TTBK1: variants seen among roughly 807,000 people sequenced by gnomAD.
TTBK1 encodes the protein tau-tubulin kinase 1.
A neutral mutation model predicts 108.5 loss-of-function variants in TTBK1; 34 were observed. The observed-to-expected ratio is 0.31, with a 90% CI of 0.24 to 0.42. The LOEUF (loss-of-function observed/expected upper bound fraction) is 0.42, where lower values mean the gene tolerates loss of function less well. TTBK1 is among the 10% of genes least tolerant of loss of function. The probability of loss-of-function intolerance (pLI) is 1.00; values close to 1 mark genes in which losing one functional copy is unlikely to be tolerated. For synonymous variants in TTBK1, 809 were observed against 795.1 expected, an observed-to-expected ratio of 1.02 and a Z score of -0.29; for missense variants, 1,539 against 1,826.0, an observed-to-expected ratio of 0.84 and a Z score of 2.86.
chr6:43,267,801 A>C (rs1386600397), intron 13 of TTBK1, among the ~76,000 whole-genome samples: 1 of 152,236 alleles, frequency 6.6e-6, no homozygotes, highest in Non-Finnish European at 1.5e-5. Flanking sequence ...CCGATAGCAC[A>C]GCAGGTCAGC....
chr6:43,270,216 C>T, intron 13 of TTBK1: 1 of 1,296,152 alleles, frequency 7.7e-7, no homozygotes, highest in Non-Finnish European at 9.7e-7. Flanking sequence ...GTACAGTTTC[C>T]AGGACAGGGC....
intron 6 of TTBK1, 101 bp from the exon 7 acceptor site, chr6:43,254,948 G>T: frequency 8.4e-7 from 1 of 1,193,496 alleles, no homozygotes. Flanking sequence ...CCCCAGCCAG[G>T]GGAGGTGGTC....
At chr6:43,277,581 T>C (rs1778037499) in intron 13 of TTBK1, among the ~76,000 whole-genome samples, 1 of 152,116 alleles carries the variant, frequency 6.6e-6, no homozygotes, top group Admixed American at 6.5e-5. Context: ...GACACAGAGA[T>C]GTGGGGTCAA....
rs958924942 is a variant in TTBK1, at chr6:43,265,729, A to G, written c.1986+2379A>G. Among the ~76,000 whole-genome samples, 1 of 152,186 alleles carries G rather than the reference A, an allele frequency of 6.6e-6. No homozygotes were observed. The highest frequency in any genetic ancestry group is 2.4e-5 in the African/African-American group (1 of 41,444). On this transcript the variant is annotated intron_variant, in intron 13 of 14. Coordinates refer to ENST00000259750, the MANE Select transcript of TTBK1 (RefSeq NM_032538.3). The surrounding 1 kb of genome is among the most constrained non-coding windows in gnomAD (Gnocchi z 4.1). Reference sequence around the variant, plus strand: ...AATAGGTTGTACCCGTAGGAAGTGCAGAGTCTAGGGAGGGTGACAGACAGT... The same window carrying G: ...AATAGGTTGTACCCGTAGGAAGTGCGGAGTCTAGGGAGGGTGACAGACAGT...
Position 43,265,649 on chromosome 6 carries a change from C to T in TTBK1, c.1986+2299C>T, listed in dbSNP as rs1399527286. On this transcript the variant is annotated intron_variant, in intron 13 of 14. Coordinates refer to ENST00000259750, the MANE Select transcript of TTBK1 (RefSeq NM_032538.3). The surrounding 1 kb of genome is among the most constrained non-coding windows in gnomAD (Gnocchi z 4.1). Reference sequence around the variant, plus strand: ...CTCCGCTCCCGTTTATTCATCCACACTCACTGAGTATTTACTGTGTGCCAT... The same window carrying T: ...CTCCGCTCCCGTTTATTCATCCACATTCACTGAGTATTTACTGTGTGCCAT... Among the ~76,000 whole-genome samples the T allele has an allele frequency of 6.6e-6, 1 of 152,238 alleles. No homozygotes were observed. The highest frequency in any genetic ancestry group is 1.9e-4 in the East Asian group (1 of 5,188).
Position 43,283,025 on chromosome 6 carries a change from AAG to A in TTBK1, c.2288_2289del (p.Glu763GlyfsTer23). ...GAGGAAGAGGAAGAGGAGGAGGAAG[AAG>A]AGGAGGAGGAGGAAGAGGAGGAGGA... On this transcript the variant is annotated frameshift_variant, in exon 14 of 15. Coordinates refer to ENST00000259750, the MANE Select transcript of TTBK1 (RefSeq NM_032538.3). LOFTEE classifies it high-confidence loss of function. This position sits in a 1 kb window ranked among gnomAD's most constrained non-coding sequence, Gnocchi z 8.1. 6.3e-7 allele frequency: 1 copy of A among 1,591,730 alleles called. No individual in the cohort carries two copies. Among genetic ancestry groups the A allele is most frequent in the Non-Finnish European group, 8.6e-7 (1 of 1,167,488 alleles).
chr6:43,275,960 C>T (rs1375716960), intron 13 of TTBK1, among the ~76,000 whole-genome samples: 1 of 152,152 alleles, frequency 6.6e-6, no homozygotes. Flanking sequence ...TGGCCCCTGC[C>T]CCCGGAGAAG....
chr6:43,270,414 GGTGTGTGTGTGT>G (rs3078973), intron 13 of TTBK1: 138 of 929,408 alleles, frequency 1.5e-4, no homozygotes, highest in Admixed American at 1.4e-3. Context: ...CTCCTTGCAT[GGTGTGTGTGTGT>G]GTGTGTGTGT....
At position 43,259,810 on chromosome 6, in the gene TTBK1, T is replaced by C; in HGVS notation, c.1424+104T>C. 1 of 1,221,534 alleles carries C rather than the reference T, an allele frequency of 8.2e-7. No homozygotes were observed. Among genetic ancestry groups the C allele is most frequent in the Non-Finnish European group, 1.1e-6 (1 of 895,278 alleles). The allele number at this position is 1,221,534 out of a possible 1,614,324, so 75.7% of individuals were successfully genotyped here. ...ATGTGTGGCGGAGGTGGGCAGACCC[T>C]GGGAAGTGCTGAGAGGGTTATACTT... On this transcript the variant is annotated intron_variant, in intron 12 of 14. Coordinates refer to ENST00000259750, the MANE Select transcript of TTBK1 (RefSeq NM_032538.3). The surrounding 1 kb of genome is among the most constrained non-coding windows in gnomAD (Gnocchi z 6.7).
chr6:43,272,568 G>A (rs568460862), intron 13 of TTBK1: 2 of 985,406 alleles, frequency 2.0e-6, no homozygotes, highest in South Asian at 9.4e-5. Flanking sequence ...ACATCCTTTT[G>A]TATATCCTCC....
chr6:43,268,425 C>T (rs533995022), intron 13 of TTBK1, among the ~76,000 whole-genome samples: 5 of 152,186 alleles, frequency 3.3e-5, no homozygotes, highest in Non-Finnish European at 5.9e-5. Context: ...CTCCCTCTTC[C>T]CTACTCTGCT....
chr6:43,254,755 C>T (rs538663128), intron 6 of TTBK1, 104 bp downstream of exon 6: 2 of 1,129,246 alleles, frequency 1.8e-6, no homozygotes, highest in East Asian at 2.5e-5. Flanking sequence ...CTGGCCTGGC[C>T]TTGTGTTCAG....
Position 43,257,011 on chromosome 6 carries a change from C to T in TTBK1, c.862-801C>T, listed in dbSNP as rs575160921. Among the ~76,000 whole-genome samples the T allele has an allele frequency of 3.9e-5, 6 of 152,166 alleles. No individual in the cohort carries two copies. The highest frequency in any genetic ancestry group is 7.4e-5 in the Non-Finnish European group (5 of 67,974). On this transcript the variant is annotated intron_variant, in intron 9 of 14. Coordinates refer to ENST00000259750, the MANE Select transcript of TTBK1 (RefSeq NM_032538.3). This position sits in a 1 kb window ranked among gnomAD's most constrained non-coding sequence, Gnocchi z 4.5. ...CATCAGCAGTGTTCTGCCTGGGATC[C>T]ACTACACGCCAGGCACGATGCTGCA...
chr6:43,259,155 C>G lies in TTBK1; in HGVS notation c.1134C>G (p.Pro378=). The part of the protein sequence containing the change: ...ENAPPILPGR[P]SEGLGPSPHL... ...CACCCCCAATTCTGCCCGGGAGGCC[C>G]TCTGAGGGGCTGGGCCCCAGTCCCC... The change falls in exon 11 of 15, where the codon CCC becomes CCG. Residue 378 remains proline, a synonymous_variant. Transcript: ENST00000259750. The surrounding 1 kb of genome is among the most constrained non-coding windows in gnomAD (Gnocchi z 6.7). 6.2e-7 allele frequency: 1 copy of G among 1,613,912 alleles called. No homozygotes were observed. The highest frequency in any genetic ancestry group is 8.5e-7 in the Non-Finnish European group (1 of 1,179,866).
chr6:43,260,838 C>T (rs538543445), intron 12 of TTBK1, among the ~76,000 whole-genome samples: 45 of 152,150 alleles, frequency 3.0e-4, no homozygotes, highest in African/African-American at 9.2e-4. Context: ...CTGGGGCACT[C>T]GGGAGCAGGA....
chr6:43,252,949 G>A (rs746639779), intron 3 of TTBK1, 63 bp downstream of exon 3: 23 of 1,580,940 alleles, frequency 1.5e-5, no homozygotes, highest in Non-Finnish European at 1.7e-5. Context: ...TAAGAGAGGT[G>A]ATAAGATCAG....
Position 43,253,371 on chromosome 6 carries a change from C to G in TTBK1, c.330+7C>G, listed in dbSNP as rs756737340. The G allele has an allele frequency of 6.2e-7, 1 of 1,613,846 alleles. No homozygotes were observed. Among genetic ancestry groups the G allele is most frequent in the South Asian group, 1.1e-5 (1 of 91,054 alleles). On this transcript the variant is annotated splice_region_variant and intron_variant, in intron 4 of 14. Coordinates refer to ENST00000259750, the MANE Select transcript of TTBK1 (RefSeq NM_032538.3). The surrounding 1 kb of genome is among the most constrained non-coding windows in gnomAD (Gnocchi z 5.8). ...TGTAGTGATGCAGCTCCAGGTGAGT[C>G]CCCGTGGCCCATCCTCGCTCCCCTC...
rs866326685 is a variant in TTBK1 at position 43,263,198 on chromosome 6, C to T, written c.1834C>T (p.Pro612Ser). The change falls in exon 13 of 15, where the codon CCG becomes TCG. Residue 612 changes from proline to serine, a missense_variant. This residue lies in a region of TTBK1 where 1,055 missense variants were observed against 1,086.5 expected (regional missense o/e 0.97). Coordinates refer to ENST00000259750, the MANE Select transcript of TTBK1 (RefSeq NM_032538.3). This position sits in a 1 kb window ranked among gnomAD's most constrained non-coding sequence, Gnocchi z 4.7. ...GGCGGAGGAGGACCTGCAGCATTTGCCGCCCCAGCCCCTGCCACCCCAGCT... is the reference window on the plus strand; with the variant it reads ...GGCGGAGGAGGACCTGCAGCATTTGTCGCCCCAGCCCCTGCCACCCCAGCT... ...ALAEEDLQHL[P>S]PQPLPPQLSQ... The T allele has an allele frequency of 6.3e-7, 1 of 1,578,500 alleles. No individual in the cohort carries two copies. The highest frequency in any genetic ancestry group is 8.6e-7 in the Non-Finnish European group (1 of 1,162,058).
intron 13 of TTBK1, among the ~76,000 whole-genome samples, chr6:43,268,505 A>T (rs1777740054): frequency 6.6e-6 from 1 of 152,178 alleles, no homozygotes; most frequent in African/African-American, 2.4e-5. Flanking sequence ...TGAGTGTCCC[A>T]GGCCCCCTCC....
Sources: gnomAD v4.1 joint callset for allele counts (sites outside exome capture counted in the v4.1 genomes callset) on GRCh38, gnomAD v4.1.1 for gene constraint, gnomAD v4.1.1 regional missense constraint, Gnocchi (gnomAD v3.1) non-coding constraint, MANE v1.5 for transcripts, NCBI Gene and HGNC (gene_info 2026-07-23, HGNC 2026-07-21) for gene names.